The following NELL1 variants were observed in gnomAD, a reference collection of about 807,000 sequenced individuals.
The protein encoded by NELL1 is protein kinase C-binding protein NELL1.
Under a neutral mutation model 107.4 loss-of-function variants are expected in NELL1, and 76 were observed. The ratio of observed to expected loss-of-function variants is 0.71; its 90% CI spans 0.59 to 0.86. NELL1 has a LOEUF of 0.86. Ranked by LOEUF, NELL1 falls within the 40% of genes least tolerant of loss-of-function variation. The probability of loss-of-function intolerance (pLI) is 0.00; values close to 1 mark genes in which losing one functional copy is unlikely to be tolerated. For synonymous variants in NELL1, 353 were observed against 341.2 expected (o/e 1.03, Z -0.38); for missense variants, 1,024 against 1,005.5 (o/e 1.02, Z -0.25).
intron 12 of NELL1, among the ~76,000 whole-genome samples, chr11:21,097,778 T>C (rs1237998129): frequency 6.6e-6 from 1 of 152,190 alleles, no homozygotes; most frequent in Non-Finnish European, 1.5e-5. Context: ...TGTCTTACAA[T>C]GTGTTAAAAC....
At chr11:20,924,822 A>G (rs1278324592) in intron 7 of NELL1, among the ~76,000 whole-genome samples, 3 of 152,208 alleles carry the variant, frequency 2.0e-5, no homozygotes, top group Non-Finnish European at 4.4e-5. Context: ...GGGCTATGGA[A>G]ATGAAGTAAA....
intron 14 of NELL1, among the ~76,000 whole-genome samples, chr11:21,327,215 G>A (rs569996179): frequency 1.1e-3 from 165 of 147,852 alleles, no homozygotes; most frequent in Non-Finnish European, 2.0e-3. Context: ...GAAGGGGGGA[G>A]GGATAGCATT....
rs538535670 is a variant in NELL1 at position 21,368,553 on chromosome 11, C to G, written c.1550-2300C>G. On this transcript the variant is annotated intron_variant, in intron 14 of 19. Transcript: ENST00000357134. Reference sequence around the variant, plus strand: ...CTCTGCTACTTTCTACCTATGCAGCCTTAGGGCACTTGATTTCAGAGCCTC... The same window carrying G: ...CTCTGCTACTTTCTACCTATGCAGCGTTAGGGCACTTGATTTCAGAGCCTC... Among the ~76,000 whole-genome samples, 3 of 152,068 alleles carry G rather than the reference C, an allele frequency of 2.0e-5. No individual in the cohort carries two copies. In the South Asian group the frequency reaches 6.2e-4, roughly 32 times the overall value.
At chr11:20,800,377 A>C (rs534263383) in intron 3 of NELL1, among the ~76,000 whole-genome samples, 2 of 152,324 alleles carry the variant, frequency 1.3e-5, no homozygotes, top group South Asian at 4.1e-4. Flanking sequence ...ACATTTAAAA[A>C]ATAATAGGCA....
intron 2 of NELL1, among the ~76,000 whole-genome samples, chr11:20,755,543 T>TG (rs1564894949): frequency 2.5e-5 from 1 of 39,318 alleles, no homozygotes; most frequent in African/African-American, 8.1e-5. Flanking sequence ...GGTTTTTGTT[T>TG]TTTTTTGTTT....
intron 12 of NELL1, among the ~76,000 whole-genome samples, chr11:20,975,874 C>G (rs1414198810): frequency 8.2e-6 from 1 of 121,744 alleles, no homozygotes. Flanking sequence ...ATTATATATA[C>G]ACATACATGT....
intron 14 of NELL1, among the ~76,000 whole-genome samples, chr11:21,334,917 G>C (rs968725961): frequency 7.9e-5 from 12 of 151,914 alleles, no homozygotes; most frequent in Non-Finnish European, 1.5e-4. Context: ...AAAATGCCTA[G>C]CTGTCCCAGA....
intron 3 of NELL1, among the ~76,000 whole-genome samples, chr11:20,804,883 C>T (rs1857349303): frequency 6.6e-6 from 1 of 152,110 alleles, no homozygotes; most frequent in Non-Finnish European, 1.5e-5. Flanking sequence ...GTGTTCAAGT[C>T]TTCAATTATT....
At chr11:20,723,089 A>G (rs1263270311) in intron 2 of NELL1, among the ~76,000 whole-genome samples, 1 of 152,136 alleles carries the variant, frequency 6.6e-6, no homozygotes, top group Non-Finnish European at 1.5e-5. Flanking sequence ...CTCCCCTGAC[A>G]TGTGGGGATT....
rs1169582970 is a variant in NELL1, at chr11:21,229,434, G to A, written c.1529G>A (p.Gly510Glu). Reference protein sequence around the residue: ...HSCTCKPGYVGNGTICRAFCE... With the variant: ...HSCTCKPGYVENGTICRAFCE... ...TGCACCTGCAAACCGGGCTACGTGG[G>A]GAACGGGACCATCTGCAGAGGTAGG... Residue 510 changes from glycine to glutamate, a missense_variant, in exon 14 of 20, where the codon GGG (glycine) becomes GAG (glutamate). Gly to Glu is a moderately conservative substitution (Grantham distance 98, BLOSUM62 -2). Coordinates refer to ENST00000357134, the MANE Select transcript of NELL1 (RefSeq NM_006157.5). The A allele has an allele frequency of 1.2e-6, 2 of 1,613,910 alleles. No homozygotes were observed. The highest frequency in any genetic ancestry group is 1.1e-5 in the South Asian group (1 of 91,070).
chr11:20,894,608 A>G (rs1307259257), intron 5 of NELL1, among the ~76,000 whole-genome samples: 1 of 152,256 alleles, frequency 6.6e-6, no homozygotes, highest in Non-Finnish European at 1.5e-5. Flanking sequence ...AATTAAAAAC[A>G]CAGACCATAC....
At chr11:20,739,365 A>G (rs1460970884) in intron 2 of NELL1, among the ~76,000 whole-genome samples, 1 of 152,084 alleles carries the variant, frequency 6.6e-6, no homozygotes, top group Non-Finnish European at 1.5e-5. Context: ...GATGGGCAGG[A>G]TGCACACCAC....
At chr11:20,774,275 C>T (rs913542956) in intron 2 of NELL1, among the ~76,000 whole-genome samples, 8 of 141,396 alleles carry the variant, frequency 5.7e-5, no homozygotes, top group Non-Finnish European at 1.2e-4. Context: ...TCTCTCCTTC[C>T]TTTCTTTCCC....
intron 15 of NELL1, among the ~76,000 whole-genome samples, chr11:21,393,865 C>G: frequency 6.6e-6 from 1 of 151,692 alleles, no homozygotes; most frequent in East Asian, 2.0e-4. Flanking sequence ...TTGGCAGGTA[C>G]TTTTATATCC....
intron 14 of NELL1, among the ~76,000 whole-genome samples, chr11:21,332,199 T>G (rs1279262455): frequency 6.6e-6 from 1 of 152,000 alleles, no homozygotes; most frequent in Non-Finnish European, 1.5e-5. Context: ...TTGACTGGCT[T>G]TTCTGTGTAT....
At position 20,675,765 on chromosome 11, in the gene NELL1, C is replaced by T. The variant is rs574660377; in HGVS notation, c.56-2167C>T. Among the ~76,000 whole-genome samples the T allele has an allele frequency of 3.2e-3, 481 of 152,202 alleles. 3 individuals are homozygous for T. Among genetic ancestry groups the T allele is most frequent in the African/African-American group, 0.011 (449 of 41,544 alleles). ...TCTCTCTCCCACTTTGGCCTCTCTT[C>T]TTTTTTCTTTTCTTTTCTTTTTTTT... On this transcript the variant is annotated intron_variant, in intron 1 of 19. Coordinates refer to ENST00000357134, the MANE Select transcript of NELL1 (RefSeq NM_006157.5).
intron 16 of NELL1, among the ~76,000 whole-genome samples, chr11:21,540,891 T>A (rs2133978338): frequency 6.6e-6 from 1 of 152,270 alleles, no homozygotes; most frequent in Admixed American, 6.5e-5. Flanking sequence ...AAGTGATTAT[T>A]AGAGAGACAA....
chr11:21,153,920 C>T (rs188993500), intron 13 of NELL1, among the ~76,000 whole-genome samples: 15 of 152,284 alleles, frequency 9.9e-5, no homozygotes, highest in African/African-American at 3.4e-4. Context: ...TTCCCAACCC[C>T]TGGAGACAGC....
chr11:21,168,213 A>G (rs1856526599), intron 13 of NELL1, among the ~76,000 whole-genome samples: 1 of 151,904 alleles, frequency 6.6e-6, no homozygotes, highest in Admixed American at 6.6e-5. Flanking sequence ...ATCTCTGATA[A>G]ATGGGCATCC....
Sources: gnomAD v4.1 joint callset for allele counts (sites outside exome capture counted in the v4.1 genomes callset) on GRCh38, gnomAD v4.1.1 for gene constraint, MANE v1.5 for transcripts, NCBI Gene and HGNC (gene_info 2026-07-23, HGNC 2026-07-21) for gene names.